DLC1: variants seen among roughly 807,000 people sequenced by gnomAD.
DLC1 encodes the protein rho GTPase-activating protein 7.
DLC1 carries 54 observed loss-of-function variants against 140.3 expected under a neutral mutation model. The ratio of observed to expected loss-of-function variants is 0.38; its 90% CI spans 0.31 to 0.48. The LOEUF is 0.48. Among genes scored for constraint, DLC1 ranks in the 20% least tolerant of loss-of-function variants. The pLI is 0.96. For synonymous variants in DLC1, 986 were observed against 728.1 expected, an observed-to-expected ratio of 1.35 and a Z score of -5.70; for missense variants, 2,536 against 1,907.0, an observed-to-expected ratio of 1.33 and a Z score of -6.14.
intron 8 of DLC1, 71 bp downstream of exon 8, chr8:13,102,719 A>G: frequency 7.3e-7 from 1 of 1,371,410 alleles, no homozygotes; most frequent in Non-Finnish European, 1.0e-6. Context: ...AAAACCTATT[A>G]CAAAACACAT....
At chr8:13,122,959 CCT>C (rs1461136257) in intron 5 of DLC1, among the ~76,000 whole-genome samples, 1 of 152,072 alleles carries the variant, frequency 6.6e-6, no homozygotes, top group Non-Finnish European at 1.5e-5. Flanking sequence ...CTACATTTTC[CCT>C]TTCACTATTT....
At chr8:13,161,271 C>T (rs1195078207) in intron 5 of DLC1, among the ~76,000 whole-genome samples, 2 of 152,144 alleles carry the variant, frequency 1.3e-5, no homozygotes, top group South Asian at 2.1e-4. Context: ...GTAAACCTGA[C>T]GATTCTAAGA....
At chr8:13,266,860 A>C (rs1586037013) in intron 5 of DLC1, among the ~76,000 whole-genome samples, 1 of 152,214 alleles carries the variant, frequency 6.6e-6, no homozygotes, top group Non-Finnish European at 1.5e-5. Context: ...TAACATTAGA[A>C]GGCCTGATAA....
At chr8:13,277,207 G>T (rs1456474647) in intron 5 of DLC1, among the ~76,000 whole-genome samples, 1 of 152,166 alleles carries the variant, frequency 6.6e-6, no homozygotes, top group African/African-American at 2.4e-5. Flanking sequence ...AGCTGCTTGG[G>T]AGGCTGAGAG....
chr8:13,143,574 G>A (rs1023443238), intron 5 of DLC1, among the ~76,000 whole-genome samples: 4 of 151,446 alleles, frequency 2.6e-5, no homozygotes, highest in South Asian at 2.1e-4. Flanking sequence ...TTCCTCCTCC[G>A]CCTCCCAAGT....
chr8:13,244,623 C>G (rs753421188), intron 5 of DLC1, among the ~76,000 whole-genome samples: 3 of 152,024 alleles, frequency 2.0e-5, no homozygotes, highest in Non-Finnish European at 2.9e-5. Context: ...ATCTGCCACT[C>G]TCCTCCTCCC....
chr8:13,596,070 T>C (rs1018527553), intron 1 of DLC1, among the ~76,000 whole-genome samples: 3 of 152,168 alleles, frequency 2.0e-5, no homozygotes, highest in East Asian at 1.9e-4. Flanking sequence ...AGTTTTAAAC[T>C]AAGTTTCAGT....
intron 2 of DLC1, among the ~76,000 whole-genome samples, chr8:13,453,491 CAT>C (rs558559612): frequency 0.036 from 642 of 17,894 alleles, 31 homozygotes; most frequent in South Asian, 0.075. Context: ...TATATATATA[CAT>C]ATATATATGT....
intron 1 of DLC1, among the ~76,000 whole-genome samples, chr8:13,596,671 A>G (rs1280990896): frequency 6.6e-6 from 1 of 152,012 alleles, no homozygotes; most frequent in African/African-American, 2.4e-5. Context: ...CTTTCAAATG[A>G]AAGTTCTGTA....
chr8:13,211,831 T>G (rs900444090), intron 5 of DLC1, among the ~76,000 whole-genome samples: 2 of 152,112 alleles, frequency 1.3e-5, no homozygotes, highest in African/African-American at 4.8e-5. Context: ...AACCCCCAAA[T>G]TGAGGAAGAG....
At chr8:13,405,754 T>C (rs1442120517) in intron 2 of DLC1, among the ~76,000 whole-genome samples, 1 of 152,088 alleles carries the variant, frequency 6.6e-6, no homozygotes, top group Non-Finnish European at 1.5e-5. Context: ...ACAACATTAA[T>C]TGCAAGAAAC....
chr8:13,251,903 G>A (rs1586007372), intron 5 of DLC1, among the ~76,000 whole-genome samples: 1 of 152,134 alleles, frequency 6.6e-6, no homozygotes, highest in East Asian at 1.9e-4. Context: ...GAATGAATTA[G>A]ATGAAAAATA....
chr8:13,267,151 C>G (rs369201157), intron 5 of DLC1, among the ~76,000 whole-genome samples: 2 of 152,148 alleles, frequency 1.3e-5, no homozygotes, highest in East Asian at 3.8e-4. Flanking sequence ...AACTTGTTTT[C>G]GTCAGTGAAA....
rs371741684 is a variant in DLC1, at chr8:13,425,829, C to T, written c.1024-24210G>A. 2.4e-4 allele frequency among the ~76,000 whole-genome samples: 36 copies of T among 152,264 alleles called. No individual in the cohort carries two copies. In the East Asian group the frequency reaches 2.5e-3, roughly 11 times the overall value. On this transcript the variant is annotated intron_variant, in intron 2 of 17. Transcript: ENST00000276297. Reference sequence around the variant, plus strand: ...TCTCACTGTTGCCTGGGCTGTAGTGCAGTGGCACAATCATAGCTCACTGTA... The same window carrying T: ...TCTCACTGTTGCCTGGGCTGTAGTGTAGTGGCACAATCATAGCTCACTGTA...
intron 5 of DLC1, among the ~76,000 whole-genome samples, chr8:13,141,155 T>G (rs1346768796): frequency 1.3e-5 from 2 of 148,710 alleles, no homozygotes; most frequent in African/African-American, 5.0e-5. Context: ...CTCGGGAAGC[T>G]GAGGCAGGAG....
At chr8:13,514,284 G>C (rs549452724) in intron 1 of DLC1, among the ~76,000 whole-genome samples, 1 of 152,054 alleles carries the variant, frequency 6.6e-6, no homozygotes, top group African/African-American at 2.4e-5. Context: ...TTTGTTTCAC[G>C]TTATGCCAAG....
chr8:13,368,262 C>T (rs903272157), intron 4 of DLC1, among the ~76,000 whole-genome samples: 1 of 152,114 alleles, frequency 6.6e-6, no homozygotes, highest in South Asian at 2.1e-4. Context: ...TCTTCTATCT[C>T]CTAGGACAGT....
chr8:13,294,803 G>A (rs1831884673), intron 5 of DLC1, among the ~76,000 whole-genome samples: 1 of 152,130 alleles, frequency 6.6e-6, no homozygotes, highest in African/African-American at 2.4e-5. Flanking sequence ...TCCTGATTTG[G>A]CCACAGTGTG....
intron 5 of DLC1, among the ~76,000 whole-genome samples, chr8:13,156,703 C>CT (rs1824285007): frequency 6.6e-6 from 1 of 152,060 alleles, no homozygotes; most frequent in Admixed American, 6.6e-5. Context: ...TCTGATGTGG[C>CT]TAAAGAGAAT....
Sources: gnomAD v4.1 joint callset for allele counts (sites outside exome capture counted in the v4.1 genomes callset) on GRCh38, gnomAD v4.1.1 for gene constraint, MANE v1.5 for transcripts, NCBI Gene and HGNC (gene_info 2026-07-23, HGNC 2026-07-21) for gene names.